Variants in ALK observed in about 807,000 individuals in gnomAD.
ALK encodes ALK tyrosine kinase receptor.
In ALK, 74 loss-of-function variants were observed where a neutral mutation model predicts 163.1. The observed-to-expected ratio is 0.45, with a 90% CI of 0.38 to 0.55. The LOEUF (loss-of-function observed/expected upper bound fraction) is 0.55. Among genes scored for constraint, ALK ranks in the 20% least tolerant of loss-of-function variants. ALK has a pLI of 0.00. For missense variants in ALK, 2,063 were observed against 2,105.3 expected (o/e 0.98, Z 0.39); for synonymous variants, 960 against 843.2 (o/e 1.14, Z -2.40).
chr2:29,436,487 C>T (rs1377178943), intron 4 of ALK, among the ~76,000 whole-genome samples: 2 of 152,324 alleles, frequency 1.3e-5, no homozygotes, highest in East Asian at 1.9e-4. Context: ...TCTTCTCCTA[C>T]ATCATTTTCA....
At chr2:29,764,172 G>T (rs1299107533) in intron 1 of ALK, among the ~76,000 whole-genome samples, 1 of 152,172 alleles carries the variant, frequency 6.6e-6, no homozygotes, top group African/African-American at 2.4e-5. Context: ...AAGGACCATG[G>T]CATTCATTAC....
At chr2:29,223,882 AG>A (rs1339551664) in intron 19 of ALK, 5 of 389,908 alleles carry the variant, frequency 1.3e-5, no homozygotes, top group African/African-American at 1.0e-4. Flanking sequence ...GGAAATGGGG[AG>A]GGAGCCAGGG....
rs1337002578 is a variant in ALK, at chr2:29,920,030, G to C, written c.630C>G (p.Ala210=). The change falls in exon 1 of 29, where the codon GCC becomes GCG. Residue 210 remains alanine, a synonymous_variant. Coordinates refer to ENST00000389048, the MANE Select transcript of ALK (RefSeq NM_004304.5). Reference sequence around the variant, plus strand: ...TCTGGAAGAGAAGGCGGGGCTGGGAGGCGCGAATTGCCGCGGACAGCCTTC... The same window carrying C: ...TCTGGAAGAGAAGGCGGGGCTGGGACGCGCGAATTGCCGCGGACAGCCTTC... The part of the protein sequence containing the change: ...REGRLSAAIR[A]SQPRLLFQIF... 1 of 1,614,034 alleles carries C rather than the reference G, an allele frequency of 6.2e-7. No individual in the cohort carries two copies. Among genetic ancestry groups the C allele is most frequent in the Non-Finnish European group, 8.5e-7 (1 of 1,180,040 alleles).
At chr2:29,243,485 G>C (rs1282306286) in intron 12 of ALK, among the ~76,000 whole-genome samples, 1 of 152,232 alleles carries the variant, frequency 6.6e-6, no homozygotes, top group Admixed American at 6.5e-5. Flanking sequence ...GTGACAAATG[G>C]CAGCTGCTGT....
intron 4 of ALK, among the ~76,000 whole-genome samples, chr2:29,440,994 G>T (rs1251163851): frequency 6.6e-6 from 1 of 152,172 alleles, no homozygotes; most frequent in African/African-American, 2.4e-5. Context: ...GGCTGGCCAA[G>T]TCTCCGGCTT....
In ALK at chr2:29,437,263, A is replaced by C. The variant is rs61004077; in HGVS notation, c.1155-53404T>G. 1.4e-3 allele frequency among the ~76,000 whole-genome samples: 218 copies of C among 151,894 alleles called. 1 individual carries two copies. The highest frequency in any genetic ancestry group is 4.4e-3 in the African/African-American group (183 of 41,388). On this transcript the variant is annotated intron_variant, in intron 4 of 28. Coordinates refer to ENST00000389048, the MANE Select transcript of ALK (RefSeq NM_004304.5). ...TCTGTCTCTTAGATATGCTGAGTAC[A>C]TCTATTTTTGAACCCCCACGTGGGC...
intron 1 of ALK, among the ~76,000 whole-genome samples, chr2:29,829,047 C>G (rs1665285293): frequency 6.6e-6 from 1 of 151,324 alleles, no homozygotes; most frequent in Non-Finnish European, 1.5e-5. Flanking sequence ...CCATCATTCT[C>G]AGCAAACTAT....
At chr2:29,463,912 C>A (rs1671145025) in intron 4 of ALK, among the ~76,000 whole-genome samples, 1 of 152,186 alleles carries the variant, frequency 6.6e-6, no homozygotes, top group South Asian at 2.1e-4. Flanking sequence ...GTAGGTAGAT[C>A]TAGTTACTCA....
At chr2:29,603,457 TA>T (rs1675433921) in intron 3 of ALK, among the ~76,000 whole-genome samples, 1 of 152,218 alleles carries the variant, frequency 6.6e-6, no homozygotes, top group Non-Finnish European at 1.5e-5. Context: ...ATCTTATTAC[TA>T]CAAAGAGTCT....
chr2:29,906,743 T>C (rs1324997857), intron 1 of ALK, among the ~76,000 whole-genome samples: 1 of 152,152 alleles, frequency 6.6e-6, no homozygotes. Context: ...ATCATAAAAC[T>C]ACCACATTAT....
chr2:29,571,600 A>ATTTTTTT (rs1674371246), intron 3 of ALK, among the ~76,000 whole-genome samples: 2 of 66,328 alleles, frequency 3.0e-5, no homozygotes, highest in Non-Finnish European at 3.1e-5. Flanking sequence ...CTTGGCTCAT[A>ATTTTTTT]TCTTTTTTTT....
chr2:29,769,795 G>A (rs1489027103), intron 1 of ALK, among the ~76,000 whole-genome samples: 1 of 152,212 alleles, frequency 6.6e-6, no homozygotes, highest in African/African-American at 2.4e-5. Flanking sequence ...AAGAAAATAA[G>A]CAAGCAAACA....
chr2:29,208,676 TCAGG>T (rs904804629), intron 25 of ALK, among the ~76,000 whole-genome samples: 10 of 152,116 alleles, frequency 6.6e-5, no homozygotes, highest in African/African-American at 2.4e-4. Context: ...ATGGAGGCCT[TCAGG>T]GGTGGTGTCT....
At chr2:29,813,784 C>A (rs1024779096) in intron 1 of ALK, among the ~76,000 whole-genome samples, 7 of 152,176 alleles carry the variant, frequency 4.6e-5, no homozygotes, top group African/African-American at 1.7e-4. Flanking sequence ...CCGTAACTCA[C>A]AATTGTGTGG....
At chr2:29,509,022 G>A (rs1231240735) in intron 4 of ALK, among the ~76,000 whole-genome samples, 1 of 152,150 alleles carries the variant, frequency 6.6e-6, no homozygotes, top group Non-Finnish European at 1.5e-5. Context: ...TGAGTAGCGT[G>A]TGCAGGTATG....
chr2:29,264,783 T>C (rs1239509199), intron 11 of ALK, among the ~76,000 whole-genome samples: 1 of 152,188 alleles, frequency 6.6e-6, no homozygotes, highest in Non-Finnish European at 1.5e-5. Context: ...GCTCCTGTTT[T>C]AGTGTTAGAA....
At chr2:29,365,057 T>C (rs1435144180) in intron 5 of ALK, among the ~76,000 whole-genome samples, 2 of 152,112 alleles carry the variant, frequency 1.3e-5, no homozygotes, top group East Asian at 1.9e-4. Flanking sequence ...CTCAGAGAGG[T>C]TGAGTTCGGT....
chr2:29,577,496 C>T (rs1381447061), intron 3 of ALK, among the ~76,000 whole-genome samples: 1 of 152,036 alleles, frequency 6.6e-6, no homozygotes, highest in Non-Finnish European at 1.5e-5. Context: ...ATAATAGATG[C>T]ATGGGAAGGG....
chr2:29,889,653 T>G (rs1667085228), intron 1 of ALK, among the ~76,000 whole-genome samples: 1 of 148,124 alleles, frequency 6.8e-6, no homozygotes, highest in Non-Finnish European at 1.5e-5. Context: ...CCCAGTACTG[T>G]TGTGGAATAT....
Sources: allele counts gnomAD v4.1 joint callset (sites outside exome capture counted in the v4.1 genomes callset), GRCh38; gene constraint gnomAD v4.1.1; transcripts MANE v1.5; gene names NCBI Gene and HGNC (gene_info 2026-07-23, HGNC 2026-07-21).